The following HAUS1 variants were observed in gnomAD, a reference collection of about 807,000 sequenced individuals.
HAUS1 encodes the protein HAUS augmin like complex subunit 1.
A neutral mutation model predicts 38.6 loss-of-function variants in HAUS1; 25 were observed. The observed-to-expected ratio is 0.65, with a 90% CI of 0.47 to 0.91. HAUS1 has a LOEUF of 0.91. Ranked by LOEUF, HAUS1 falls within the 40% of genes least tolerant of loss-of-function variation. The probability of loss-of-function intolerance (pLI) is 0.00; values close to 1 mark genes in which losing one functional copy is unlikely to be tolerated. For missense variants in HAUS1, 325 were observed against 328.4 expected (o/e 0.99, Z 0.08); for synonymous variants, 109 against 112.9 (o/e 0.97, Z 0.22).
At chr18:46,117,198 A>G (rs1410342648) in intron 2 of HAUS1, among the ~76,000 whole-genome samples, 1 of 152,238 alleles carries the variant, frequency 6.6e-6, no homozygotes, top group African/African-American at 2.4e-5. Context: ...GAGAAATGAA[A>G]ACATATGTTC....
rs1272869889 is a variant in HAUS1 at position 46,124,829 on chromosome 18, C to T, written c.674C>T (p.Ala225Val). 11 of 1,595,652 alleles carry T rather than the reference C, an allele frequency of 6.9e-6. No individual in the cohort carries two copies. The highest frequency in any genetic ancestry group is 7.7e-6 in the Non-Finnish European group (9 of 1,165,270). The change falls in exon 7 of 9, where the codon GCA (alanine) becomes GTA (valine). Residue 225 changes from alanine to valine, a missense_variant. By Grantham distance (64) the Ala-to-Val change is moderately conservative (BLOSUM62 0). Coordinates refer to ENST00000282058, the MANE Select transcript of HAUS1 (RefSeq NM_138443.4). ...QSLVALSEKLARLKQQTIPLK... is the reference protein window; with the variant it reads ...QSLVALSEKLVRLKQQTIPLK... ...GTGTTCTTTTACCCCCAGAAACTGG[C>T]AAGATTAAAGCAACAGACTATACCT...
At chr18:46,111,764 T>G (rs534027033) in intron 2 of HAUS1, among the ~76,000 whole-genome samples, 1 of 152,170 alleles carries the variant, frequency 6.6e-6, no homozygotes, top group East Asian at 1.9e-4. Context: ...AGCTAATTTC[T>G]TGTTATATTA....
intron 8 of HAUS1, among the ~76,000 whole-genome samples, chr18:46,126,167 TG>T (rs1323151104): frequency 2.0e-5 from 3 of 151,960 alleles, no homozygotes; most frequent in Non-Finnish European, 2.9e-5. Context: ...CCCAGCTACT[TG>T]GGAGGCTGAG....
chr18:46,107,707 A>G (rs1225330822), intron 2 of HAUS1, among the ~76,000 whole-genome samples: 2 of 152,218 alleles, frequency 1.3e-5, no homozygotes, highest in African/African-American at 2.4e-5. Context: ...AGCTCGCTGG[A>G]CTTGAATGAC....
At position 46,120,034 on chromosome 18, in the gene HAUS1, T is replaced by C; in HGVS notation, c.450T>C (p.Thr150=). ...LEKLEKNLTA[T]LVLEKCLQED... ...AACTTGAAAAAAATTTAACTGCAAC[T>C]TTAGTATTAGAAAAATGTCTACAAG... Residue 150 remains threonine, a synonymous_variant, in exon 4 of 9, where the codon ACT becomes ACC. Transcript: ENST00000282058. 1.2e-6 allele frequency: 2 copies of C among 1,602,264 alleles called. No individual in the cohort carries two copies. The highest frequency in any genetic ancestry group is 1.7e-6 in the Non-Finnish European group (2 of 1,172,482).
chr18:46,125,378 G>A (rs868841780), intron 7 of HAUS1, among the ~76,000 whole-genome samples: 5 of 151,810 alleles, frequency 3.3e-5, no homozygotes, highest in African/African-American at 7.3e-5. Flanking sequence ...GTGAAACCCC[G>A]TCTCTACTAA....
At chr18:46,110,333 GTTTTTTTTTTTT>G (rs71160713) in intron 2 of HAUS1, among the ~76,000 whole-genome samples, 6 of 49,996 alleles carry the variant, frequency 1.2e-4, no homozygotes, top group African/African-American at 3.5e-4. Context: ...TTTTTTTAAG[GTTTTTTTTTTTT>G]TTTTTTTTTT....
rs754087410 is a variant in HAUS1 at position 46,128,255 on chromosome 18, A to G, written c.*130A>G. 3 of 506,548 alleles carry G rather than the reference A, an allele frequency of 5.9e-6. No individual in the cohort carries two copies. Among genetic ancestry groups the G allele is most frequent in the African/African-American group, 2.0e-5 (1 of 50,398 alleles). 31.4% of individuals were successfully genotyped at this position (506,548 alleles called of 1,614,324 possible). ...CTTAGATTACAGAATATCATAATTG[A>G]TAGAATATGGTTTCTTACTGTGTGT... On this transcript the variant is annotated 3_prime_UTR_variant, in exon 9 of 9. Transcript: ENST00000282058.
At chr18:46,115,623 G>A (rs961401860) in intron 2 of HAUS1, among the ~76,000 whole-genome samples, 1 of 151,222 alleles carries the variant, frequency 6.6e-6, no homozygotes, top group Non-Finnish European at 1.5e-5. Context: ...GTGAGACCCT[G>A]CCTCAAAAAA....
intron 1 of HAUS1, among the ~76,000 whole-genome samples, chr18:46,104,672 G>A (rs1440743997): frequency 6.6e-6 from 1 of 152,128 alleles, no homozygotes; most frequent in Non-Finnish European, 1.5e-5. Context: ...CCCGGGAGAG[G>A]CGTTGAGCAG....
intron 2 of HAUS1, among the ~76,000 whole-genome samples, chr18:46,112,983 T>TAA (rs1351253693): frequency 4.5e-5 from 2 of 44,562 alleles, no homozygotes; most frequent in African/African-American, 2.3e-4. Context: ...ATATTATATA[T>TAA]ATAATATATA....
At position 46,104,399 on chromosome 18, in the gene HAUS1, G is replaced by GGGAGCCGCAGCTAT; in HGVS notation, c.-2_12dup. The GGGAGCCGCAGCTAT allele has an allele frequency of 4.8e-6, 7 of 1,448,870 alleles. No individual in the cohort carries two copies. The highest frequency in any genetic ancestry group is 2.9e-5 in the East Asian group (1 of 34,374). 89.8% of individuals were successfully genotyped at this position (1,448,870 alleles called of 1,614,324 possible). A position where few individuals can be genotyped will look rare whatever the true frequency, so the allele number is the denominator to read the frequency against. On this transcript the variant is annotated 5_prime_UTR_variant, in exon 1 of 9. The change creates a new upstream start codon in the 5' untranslated region. Transcript: ENST00000282058. The stretch of plus-strand genomic sequence containing the variant: ...CGCTAGGAGTTCCTAGTAAAGTGGC[G>GGGAGCCGCAGCTAT]GGAGCCGCAGCTATGGAGCCGCAGG...
At chr18:46,118,397 A>G (rs746465240) in intron 3 of HAUS1, 81 bp downstream of exon 3, 15 of 1,372,952 alleles carry the variant, frequency 1.1e-5, no homozygotes, top group East Asian at 2.3e-5. Flanking sequence ...GCATAATTCT[A>G]TATGAAAAAT....
chr18:46,111,315 T>G (rs1035531885), intron 2 of HAUS1, among the ~76,000 whole-genome samples: 6 of 152,038 alleles, frequency 3.9e-5, no homozygotes, highest in African/African-American at 1.4e-4. Context: ...GCATTGTTTC[T>G]TGTTATATTA....
At chr18:46,109,149 C>G (rs1911555364) in intron 2 of HAUS1, among the ~76,000 whole-genome samples, 1 of 151,250 alleles carries the variant, frequency 6.6e-6, no homozygotes, top group African/African-American at 2.4e-5. Flanking sequence ...AGGAAACTTA[C>G]AATCATGGTT....
At chr18:46,124,748 A>G (rs539795713) in intron 6 of HAUS1, 74 bp from the exon 7 acceptor site, 133 of 771,152 alleles carry the variant, frequency 1.7e-4, no homozygotes, top group Middle Eastern at 2.4e-4. Flanking sequence ...GTTGTGTTTT[A>G]TTTCAGAAAT....
intron 8 of HAUS1, among the ~76,000 whole-genome samples, chr18:46,127,265 C>A (rs1912135599): frequency 6.6e-6 from 1 of 152,002 alleles, no homozygotes; most frequent in South Asian, 2.1e-4. Flanking sequence ...AGCCACCGTG[C>A]CTGGCCAAAG....
intron 2 of HAUS1, among the ~76,000 whole-genome samples, chr18:46,110,108 A>G (rs1911578853): frequency 6.6e-6 from 1 of 150,674 alleles, no homozygotes; most frequent in Admixed American, 6.6e-5. Context: ...TCTGCTAGCA[A>G]CAGATTCTCT....
intron 4 of HAUS1, among the ~76,000 whole-genome samples, chr18:46,121,397 G>A (rs1235938769): frequency 6.6e-6 from 1 of 151,996 alleles, no homozygotes; most frequent in Non-Finnish European, 1.5e-5. Context: ...TCACCATGTT[G>A]GCCAGGCTGG....
Sources: gnomAD v4.1 joint callset for allele counts (sites outside exome capture counted in the v4.1 genomes callset) on GRCh38, gnomAD v4.1.1 for gene constraint, MANE v1.5 for transcripts, NCBI Gene and HGNC (gene_info 2026-07-23, HGNC 2026-07-21) for gene names.